Variants in TRIM22 observed in about 807,000 individuals in gnomAD.
The protein encoded by TRIM22 is E3 ubiquitin-protein ligase TRIM22.
TRIM22 carries 45 observed loss-of-function variants against 53.6 expected under a neutral mutation model. The observed-to-expected ratio is 0.84, with a 90% CI of 0.66 to 1.08. TRIM22 has a LOEUF of 1.08. TRIM22 is among the 50% of genes least tolerant of loss of function. The probability of loss-of-function intolerance (pLI) is 0.00; values close to 1 mark genes in which losing one functional copy is unlikely to be tolerated. For synonymous variants in TRIM22, 225 were observed against 216.6 expected (o/e 1.04, Z -0.34); for missense variants, 616 against 590.9 (o/e 1.04, Z -0.44).
intron 3 of TRIM22, chr11:5,697,699 T>TG (rs113692279): frequency 1.1e-5 from 2 of 188,000 alleles, no homozygotes; most frequent in African/African-American, 4.8e-5. Flanking sequence ...AGGGGGATTT[T>TG]TTTGTTTGTT....
chr11:5,693,438 A>G (rs1007300611), intron 1 of TRIM22, among the ~76,000 whole-genome samples: 1 of 151,702 alleles, frequency 6.6e-6, no homozygotes, highest in Non-Finnish European at 1.5e-5. Context: ...AAGAATGAAT[A>G]GGCCGGGCGC....
At chr11:5,697,384 C>T (rs1853284427) in intron 3 of TRIM22, 41 bp downstream of exon 3, 1 of 1,476,808 alleles carries the variant, frequency 6.8e-7, no homozygotes, top group South Asian at 1.2e-5. Context: ...AGACAGGAAT[C>T]TGGGCAGGAC....
chr11:5,708,901 C>A, intron 7 of TRIM22, 152 bp from the exon 8 acceptor site: 1 of 673,838 alleles, frequency 1.5e-6, no homozygotes, highest in Non-Finnish European at 2.5e-6. Context: ...AGTCTTACAC[C>A]CTGTATTTCT....
At chr11:5,699,029 G>A (rs1039905747) in intron 4 of TRIM22, among the ~76,000 whole-genome samples, 3 of 152,114 alleles carry the variant, frequency 2.0e-5, no homozygotes, top group Non-Finnish European at 2.9e-5. Context: ...TATTTATATT[G>A]CAGTATGTAT....
At chr11:5,693,115 G>C (rs1853200538) in intron 1 of TRIM22, among the ~76,000 whole-genome samples, 1 of 150,228 alleles carries the variant, frequency 6.7e-6, no homozygotes, top group South Asian at 2.1e-4. Context: ...TCAAACTCCT[G>C]ACCTCAGGTA....
At chr11:5,693,413 T>C (rs1435200260) in intron 1 of TRIM22, among the ~76,000 whole-genome samples, 1 of 151,920 alleles carries the variant, frequency 6.6e-6, no homozygotes, top group Admixed American at 6.6e-5. Flanking sequence ...GCTACATTTC[T>C]TCAATGTTAG....
At chr11:5,708,971 T>C (rs1853510845) in intron 7 of TRIM22, 82 bp from the exon 8 acceptor site, 3 of 1,129,374 alleles carry the variant, frequency 2.7e-6, no homozygotes. Context: ...GACACAAGTT[T>C]CATTTTCAAT....
rs757486760 is a variant in TRIM22 at position 5,706,665 on chromosome 11, T to G, written c.773+49T>G. The G allele has an allele frequency of 3.2e-6, 5 of 1,554,784 alleles. No homozygotes were observed. In the African/African-American group the frequency reaches 5.4e-5, roughly 17 times the overall value. On this transcript the variant is annotated intron_variant, in intron 5 of 7. Transcript: ENST00000379965. ...TCTTATTTGTCTGAAAAGAGAATTA[T>G]AGTCCTGAGAGATATCTTCCTTCAA...
At chr11:5,702,613 T>C (rs2134179925) in intron 4 of TRIM22, among the ~76,000 whole-genome samples, 1 of 152,082 alleles carries the variant, frequency 6.6e-6, no homozygotes, top group Non-Finnish European at 1.5e-5. Flanking sequence ...GTATCCTCAA[T>C]CTTGAGTAAC....
At position 5,696,467 on chromosome 11, in the gene TRIM22, G is replaced by C; in HGVS notation, c.235G>C (p.Glu79Gln). Residue 79 changes from glutamate (E) to glutamine (Q), a missense_variant, in exon 2 of 8, where the codon GAG becomes CAG. Transcript: ENST00000379965. The stretch of plus-strand genomic sequence containing the variant: ...TAATCGGCATCTGGCCAACATAGTT[G>C]AGAGAGTCAAAGAGGTCAAGATGAG... The part of the protein sequence containing the change: ...RPNRHLANIV[E>Q]RVKEVKMSPQ... 1 of 1,614,258 alleles carries C rather than the reference G, an allele frequency of 6.2e-7. No homozygotes were observed. Among genetic ancestry groups the C allele is most frequent in the South Asian group, 1.1e-5 (1 of 91,086 alleles).
At chr11:5,705,827 G>C (rs992258248) in intron 4 of TRIM22, among the ~76,000 whole-genome samples, 3 of 152,142 alleles carry the variant, frequency 2.0e-5, no homozygotes, top group Non-Finnish European at 4.4e-5. Context: ...TTGGGAAATA[G>C]TAAGTTACAT....
intron 3 of TRIM22, chr11:5,697,851 G>GCC: frequency 5.8e-6 from 1 of 172,200 alleles, no homozygotes; most frequent in Non-Finnish European, 1.3e-5. Flanking sequence ...CTACAGGCAT[G>GCC]TGCCACCATG....
chr11:5,706,761 ATTAAAGTTTTC>A, intron 5 of TRIM22, 145 bp downstream of exon 5: 1 of 850,158 alleles, frequency 1.2e-6, no homozygotes, highest in Non-Finnish European at 1.7e-6. Context: ...CTAGTCACAG[ATTAAAGTTTTC>A]AATTGTAAGA....
At chr11:5,699,151 T>C (rs1408232230) in intron 4 of TRIM22, among the ~76,000 whole-genome samples, 2 of 152,242 alleles carry the variant, frequency 1.3e-5, no homozygotes, top group African/African-American at 4.8e-5. Flanking sequence ...GGGACTATTA[T>C]GAATAATGCT....
chr11:5,703,578 G>A (rs998418935), intron 4 of TRIM22, among the ~76,000 whole-genome samples: 5 of 151,882 alleles, frequency 3.3e-5, no homozygotes, highest in Non-Finnish European at 7.4e-5. Context: ...GTAGAGACGG[G>A]GTTTCACCTT....
chr11:5,697,246 A>C lies in TRIM22; in HGVS notation c.424-2A>C, dbSNP rs768438040. 3.1e-6 allele frequency: 5 copies of C among 1,602,508 alleles called. No homozygotes were observed. In the South Asian group the frequency reaches 5.6e-5, roughly 18 times the overall value. On this transcript the variant is annotated splice_acceptor_variant, in intron 2 of 7. Transcript: ENST00000379965. LOFTEE classifies it high-confidence loss of function. The stretch of plus-strand genomic sequence containing the variant: ...TACTCTGGTATAATTTATTTCTTAC[A>C]GGAAAAGCTGCAGGTAGCCCTGCAG...
At chr11:5,704,812 C>T (rs190861809) in intron 4 of TRIM22, among the ~76,000 whole-genome samples, 1 of 152,060 alleles carries the variant, frequency 6.6e-6, no homozygotes, top group Non-Finnish European at 1.5e-5. Flanking sequence ...TATAAGTTAT[C>T]TATTTTTAAT....
intron 5 of TRIM22, among the ~76,000 whole-genome samples, chr11:5,707,414 T>A (rs1853477775): frequency 6.6e-6 from 1 of 152,276 alleles, no homozygotes; most frequent in South Asian, 2.1e-4. Flanking sequence ...TGACCACCTG[T>A]CTAGGAACCC....
In TRIM22 at chr11:5,709,604, T is replaced by A; in HGVS notation, c.1453T>A (p.Trp485Arg). The change falls in exon 8 of 8, where the codon TGG becomes AGG. Residue 485 changes from tryptophan (W) to arginine (R), a missense_variant. By Grantham distance (101) the Trp-to-Arg change is moderately radical. Transcript: ENST00000379965. The stretch of plus-strand genomic sequence containing the variant: ...ACCTGCTTATCCGTATTTCAATCCT[T>A]GGAACTGCCTAGTCCCCATGACTGT... ...SRPAYPYFNP[W>R]NCLVPMTVCP... The A allele has an allele frequency of 6.2e-7, 1 of 1,611,172 alleles. No individual in the cohort carries two copies.
Sources: allele counts gnomAD v4.1 joint callset (sites outside exome capture counted in the v4.1 genomes callset), GRCh38; gene constraint gnomAD v4.1.1; transcripts MANE v1.5; gene names NCBI Gene and HGNC (gene_info 2026-07-23, HGNC 2026-07-21).